Variants in MAGI1 observed in about 807,000 individuals in gnomAD.
MAGI1 encodes membrane associated guanylate kinase, WW and PDZ domain containing 1.
A neutral mutation model predicts 139.9 loss-of-function variants in MAGI1; 58 were observed. That is an observed-to-expected ratio of 0.41 (90% CI 0.34 to 0.52). The LOEUF is 0.52. Among genes scored for constraint, MAGI1 ranks in the 20% least tolerant of loss-of-function variants. The pLI, the probability that MAGI1 is intolerant of heterozygous loss-of-function variation, is 0.12. For missense variants in MAGI1, 1,874 were observed against 1,901.6 expected (o/e 0.99, Z 0.27); for synonymous variants, 812 against 737.9 (o/e 1.10, Z -1.63).
At chr3:65,803,289 T>C (rs567140715) in intron 1 of MAGI1, among the ~76,000 whole-genome samples, 4 of 152,240 alleles carry the variant, frequency 2.6e-5, no homozygotes, top group African/African-American at 9.6e-5. Context: ...GTAGGTGAAA[T>C]TTACTGTAAT....
chr3:65,677,349 A>AGAGGCTTCTGCAGTCACT (rs1478837275), intron 1 of MAGI1, among the ~76,000 whole-genome samples: 1 of 152,158 alleles, frequency 6.6e-6, no homozygotes, highest in African/African-American at 2.4e-5. Context: ...GGGAAGACTA[A>AGAGGCTTCTGCAGTCACT]GAGGCTTCTG....
chr3:65,491,798 T>G (rs556305922), intron 3 of MAGI1, among the ~76,000 whole-genome samples: 1 of 150,484 alleles, frequency 6.6e-6, no homozygotes, highest in African/African-American at 2.4e-5. Flanking sequence ...TTCAGGAAAC[T>G]AAGCCAACTG....
chr3:65,684,700 T>A (rs1297341229), intron 1 of MAGI1, among the ~76,000 whole-genome samples: 1 of 151,734 alleles, frequency 6.6e-6, no homozygotes. Flanking sequence ...CTTGGTAGGA[T>A]TTTTTTGGTT....
intron 1 of MAGI1, among the ~76,000 whole-genome samples, chr3:65,700,334 C>T (rs1576793463): frequency 6.6e-6 from 1 of 152,114 alleles, no homozygotes; most frequent in East Asian, 1.9e-4. Context: ...CCCAGCTACT[C>T]AGGAGGCTGA....
intron 1 of MAGI1, among the ~76,000 whole-genome samples, chr3:65,937,577 G>A (rs1325884569): frequency 3.9e-5 from 6 of 152,066 alleles, no homozygotes; most frequent in African/African-American, 1.2e-4. Context: ...AAGCCATCAG[G>A]GTGCATGTGT....
chr3:65,525,202 C>T (rs1221908208), intron 2 of MAGI1, among the ~76,000 whole-genome samples: 1 of 152,168 alleles, frequency 6.6e-6, no homozygotes. Context: ...TATCCCACTG[C>T]ACCGATGTCA....
At chr3:65,582,960 A>T (rs1018576483) in intron 2 of MAGI1, among the ~76,000 whole-genome samples, 2 of 152,234 alleles carry the variant, frequency 1.3e-5, no homozygotes, top group Non-Finnish European at 2.9e-5. Context: ...TATGATTTTA[A>T]GTTACGTAAT....
chr3:65,957,192 T>C (rs1245065294), intron 1 of MAGI1, among the ~76,000 whole-genome samples: 3 of 151,792 alleles, frequency 2.0e-5, no homozygotes, highest in Admixed American at 1.3e-4. Context: ...TGAGTAAATG[T>C]AGATATATGC....
intron 1 of MAGI1, among the ~76,000 whole-genome samples, chr3:65,787,344 G>A (rs2039466545): frequency 6.6e-6 from 1 of 151,764 alleles, no homozygotes; most frequent in Admixed American, 6.6e-5. Context: ...AAAGAAACCG[G>A]ATCACCAAAT....
chr3:65,544,320 T>C (rs994525315), intron 2 of MAGI1, among the ~76,000 whole-genome samples: 1 of 152,182 alleles, frequency 6.6e-6, no homozygotes, highest in Admixed American at 6.5e-5. Context: ...ATACCTGTAG[T>C]TGTGCTAGTC....
intron 3 of MAGI1, among the ~76,000 whole-genome samples, chr3:65,484,431 G>T (rs939161481): frequency 6.6e-6 from 1 of 152,178 alleles, no homozygotes; most frequent in Admixed American, 6.5e-5. Context: ...CATTTTCAAC[G>T]GGGCAATATC....
At chr3:65,954,188 T>C (rs552724612) in intron 1 of MAGI1, among the ~76,000 whole-genome samples, 3 of 152,278 alleles carry the variant, frequency 2.0e-5, no homozygotes, top group African/African-American at 4.8e-5. Context: ...AATAATCCTA[T>C]AAGAAAATAT....
At chr3:66,011,803 T>G (rs1196558126) in intron 1 of MAGI1, among the ~76,000 whole-genome samples, 1 of 151,548 alleles carries the variant, frequency 6.6e-6, no homozygotes, top group Non-Finnish European at 1.5e-5. Context: ...ATCTCTGAGT[T>G]TGCTTTCCAG....
intron 3 of MAGI1, among the ~76,000 whole-genome samples, chr3:65,485,105 T>C (rs531610569): frequency 2.6e-5 from 4 of 152,154 alleles, no homozygotes; most frequent in African/African-American, 7.2e-5. Context: ...ACCTGTATTG[T>C]GGATCCAGTT....
intron 18 of MAGI1, among the ~76,000 whole-genome samples, chr3:65,372,256 C>A (rs1179944291): frequency 6.6e-6 from 1 of 152,216 alleles, no homozygotes; most frequent in Non-Finnish European, 1.5e-5. Flanking sequence ...GAACAACATT[C>A]ATTTCCTTGT....
At chr3:65,814,923 T>G (rs2041505247) in intron 1 of MAGI1, among the ~76,000 whole-genome samples, 1 of 152,200 alleles carries the variant, frequency 6.6e-6, no homozygotes, top group Admixed American at 6.5e-5. Flanking sequence ...AAGAAAATAC[T>G]AATATCTACA....
chr3:65,839,247 T>G (rs1377870152), intron 1 of MAGI1, among the ~76,000 whole-genome samples: 1 of 152,136 alleles, frequency 6.6e-6, no homozygotes, highest in Non-Finnish European at 1.5e-5. Context: ...GTGTTTGTGG[T>G]GATACTGATG....
intron 1 of MAGI1, among the ~76,000 whole-genome samples, chr3:65,781,899 C>G (rs1181805790): frequency 6.6e-6 from 1 of 152,174 alleles, no homozygotes; most frequent in Non-Finnish European, 1.5e-5. Context: ...TGGGGAACCC[C>G]CCCTCACTAT....
chr3:65,510,452 T>G (rs1174430835), intron 2 of MAGI1, among the ~76,000 whole-genome samples: 1 of 146,986 alleles, frequency 6.8e-6, no homozygotes, highest in Non-Finnish European at 1.5e-5. Context: ...TACAGAGAAG[T>G]GCTTAAAGGA....
Sources: allele counts gnomAD v4.1 joint callset (sites outside exome capture counted in the v4.1 genomes callset), GRCh38; gene constraint gnomAD v4.1.1; transcripts MANE v1.5; gene names NCBI Gene and HGNC (gene_info 2026-07-23, HGNC 2026-07-21).